Variants in GRIA1 observed in about 807,000 individuals in gnomAD.
GRIA1 encodes glutamate receptor 1.
Under a neutral mutation model 99.2 loss-of-function variants are expected in GRIA1, and 31 were observed. The observed-to-expected ratio is 0.31, with a 90% CI of 0.23 to 0.42. GRIA1 has a LOEUF of 0.42. Ranked by LOEUF, GRIA1 falls within the 10% of genes least tolerant of loss-of-function variation. GRIA1 has a pLI of 1.00. For synonymous variants in GRIA1, 438 were observed against 432.4 expected (o/e 1.01, Z -0.16); for missense variants, 782 against 1,157.5 (o/e 0.68, Z 4.71).
Position 153,526,739 on chromosome 5 carries a change from T to A in GRIA1, c.220+32674T>A, listed in dbSNP as rs141818613. Reference sequence around the variant, plus strand: ...GGAGGCAGATCCTATTTGCCCGGGATCACACTGAAACACAAAGAGGGTGAA... The same window carrying A: ...GGAGGCAGATCCTATTTGCCCGGGAACACACTGAAACACAAAGAGGGTGAA... On this transcript the variant is annotated intron_variant, in intron 2 of 15. Coordinates refer to ENST00000285900, the MANE Select transcript of GRIA1 (RefSeq NM_000827.4). Among the ~76,000 whole-genome samples the A allele has an allele frequency of 4.1e-3, 631 of 152,294 alleles. 5 individuals are homozygous for A. The highest frequency in any genetic ancestry group is 0.015 in the African/African-American group (610 of 41,562).
At chr5:153,524,384 G>C (rs2452801) in intron 2 of GRIA1, among the ~76,000 whole-genome samples, 62,838 of 151,936 alleles carry the variant, frequency 0.41, 13,366 homozygotes, top group African/African-American at 0.5. Context: ...ACAAACTTCC[G>C]AAATGATAGA....
intron 10 of GRIA1, among the ~76,000 whole-genome samples, chr5:153,704,472 A>G (rs1263453381): frequency 6.6e-6 from 1 of 152,236 alleles, no homozygotes; most frequent in Non-Finnish European, 1.5e-5. Context: ...ACAGGAGAAC[A>G]AGGCATGGTT....
At chr5:153,550,154 A>AT (rs148027162) in intron 2 of GRIA1, among the ~76,000 whole-genome samples, 70,479 of 151,120 alleles carry the variant, frequency 0.47, 18,091 homozygotes, top group Non-Finnish European at 0.59. Flanking sequence ...CAGGTGTTTT[A>AT]TTTTTTTTTC....
intron 2 of GRIA1, among the ~76,000 whole-genome samples, chr5:153,519,708 C>G (rs1253304597): frequency 6.6e-6 from 1 of 152,178 alleles, no homozygotes; most frequent in African/African-American, 2.4e-5. Context: ...AAAGGAAAGA[C>G]AGTCCTAGAC....
Position 153,647,153 on chromosome 5 carries a change from A to T in GRIA1, c.446A>T (p.Tyr149Phe). 6.2e-7 allele frequency: 1 copy of T among 1,613,890 alleles called. No homozygotes were observed. The highest frequency in any genetic ancestry group is 8.5e-7 in the Non-Finnish European group (1 of 1,179,848). The change falls in exon 3 of 16, where the codon TAT (tyrosine) becomes TTT (phenylalanine). Residue 149 changes from tyrosine to phenylalanine, a missense_variant. Transcript: ENST00000285900. ...AAGTGGCAGAAATTTGTCTACATTT[A>T]TGATGCCGACCGGGGTAAGCCAAGG... ...HYKWQKFVYI[Y>F]DADRGLSVLQ... is the part of the protein sequence containing the mutation.
chr5:153,635,729 C>T (rs568186603), intron 2 of GRIA1, among the ~76,000 whole-genome samples: 7 of 152,322 alleles, frequency 4.6e-5, no homozygotes, highest in South Asian at 2.1e-4. Flanking sequence ...AGTCCCCACA[C>T]GTGGTAGAGC....
intron 14 of GRIA1, among the ~76,000 whole-genome samples, chr5:153,801,895 G>A (rs763761292): frequency 9.5e-5 from 12 of 125,684 alleles, no homozygotes; most frequent in African/African-American, 2.3e-4. Flanking sequence ...AAAAATGCTC[G>A]GGGACATAAA....
At chr5:153,572,965 G>A (rs1383832832) in intron 2 of GRIA1, among the ~76,000 whole-genome samples, 1 of 152,184 alleles carries the variant, frequency 6.6e-6, no homozygotes, top group Non-Finnish European at 1.5e-5. Flanking sequence ...TTCTTAATGA[G>A]CCTATCCCAG....
intron 2 of GRIA1, among the ~76,000 whole-genome samples, chr5:153,614,916 A>G (rs955911642): frequency 2.0e-5 from 3 of 152,252 alleles, no homozygotes; most frequent in African/African-American, 7.2e-5. Context: ...TACAGAGTCA[A>G]TTGAAGAGGC....
At chr5:153,519,624 C>G (rs947402646) in intron 2 of GRIA1, among the ~76,000 whole-genome samples, 4 of 152,030 alleles carry the variant, frequency 2.6e-5, no homozygotes, top group Non-Finnish European at 5.9e-5. Flanking sequence ...GAGTGCAGCC[C>G]CTGTGAAGAC....
At chr5:153,583,411 C>T (rs1034971152) in intron 2 of GRIA1, among the ~76,000 whole-genome samples, 10 of 152,136 alleles carry the variant, frequency 6.6e-5, no homozygotes, top group African/African-American at 2.4e-4. Flanking sequence ...GAGAATCCTT[C>T]CTTGACTCTT....
chr5:153,800,385 C>T (rs538003078), intron 14 of GRIA1, among the ~76,000 whole-genome samples: 4 of 152,314 alleles, frequency 2.6e-5, no homozygotes, highest in Admixed American at 6.5e-5. Flanking sequence ...AACAGGGAGA[C>T]ATTTTGAGTG....
chr5:153,747,906 T>C (rs1298266108), intron 11 of GRIA1, among the ~76,000 whole-genome samples: 1 of 152,236 alleles, frequency 6.6e-6, no homozygotes, highest in Non-Finnish European at 1.5e-5. Context: ...TGATTTTCTC[T>C]TAAGTATTTC....
In GRIA1 at chr5:153,676,855, G is replaced by C. The variant is rs1716424106; in HGVS notation, c.862-139G>C. The C allele has an allele frequency of 7.7e-6, 4 of 519,100 alleles. No individual in the cohort carries two copies. The African/African-American group carries it at 7.8e-5, about 10-fold the overall frequency. The allele number at this position is 519,100 out of a possible 1,614,324, so 32.2% of individuals were successfully genotyped here. A position where few individuals can be genotyped will look rare whatever the true frequency, so the allele number is the denominator to read the frequency against. Reference sequence around the variant, plus strand: ...GGGACACCATCCCTGATTCACCACTGTCTGCCCCACGTATACCATGCATCT... The same window carrying C: ...GGGACACCATCCCTGATTCACCACTCTCTGCCCCACGTATACCATGCATCT... On this transcript the variant is annotated intron_variant, in intron 6 of 15. Coordinates refer to ENST00000285900, the MANE Select transcript of GRIA1 (RefSeq NM_000827.4).
chr5:153,720,914 C>T (rs1187537305), intron 11 of GRIA1, among the ~76,000 whole-genome samples: 2 of 152,166 alleles, frequency 1.3e-5, no homozygotes, highest in Non-Finnish European at 2.9e-5. Flanking sequence ...GAAGATAAGA[C>T]TAACACACAT....
At chr5:153,705,613 C>A (rs1423109960) in intron 10 of GRIA1, 84 bp from the exon 11 acceptor site, 29 of 1,403,128 alleles carry the variant, frequency 2.1e-5, no homozygotes, top group Non-Finnish European at 2.4e-5. Flanking sequence ...AGAATAGTCA[C>A]AATGAGAAGA....
intron 6 of GRIA1, among the ~76,000 whole-genome samples, chr5:153,675,179 C>T (rs1756482231): frequency 6.6e-6 from 1 of 152,216 alleles, no homozygotes; most frequent in African/African-American, 2.4e-5. Context: ...GCAAGGGAAG[C>T]TGGAAAATGG....
chr5:153,677,174 A>T lies in GRIA1; in HGVS notation c.1029+13A>T. ...AGCTCTGCAGCAGGTAAGACCACCA[A>T]TGTTTGCCCCATCTCATAGGAGCCT... On this transcript the variant is annotated intron_variant, in intron 7 of 15. Transcript: ENST00000285900. 7 of 1,435,180 alleles carry T rather than the reference A, an allele frequency of 4.9e-6. No homozygotes were observed. The highest frequency in any genetic ancestry group is 2.9e-5 in the African/African-American group (2 of 69,552). The allele number at this position is 1,435,180 out of a possible 1,614,324, so 88.9% of individuals were successfully genotyped here. A position where few individuals can be genotyped will look rare whatever the true frequency, so the allele number is the denominator to read the frequency against.
intron 5 of GRIA1, among the ~76,000 whole-genome samples, chr5:153,658,635 A>C (rs1283985918): frequency 2.6e-5 from 4 of 152,146 alleles, no homozygotes; most frequent in Non-Finnish European, 5.9e-5. Flanking sequence ...TAAGACGATA[A>C]TTTTTAGAAT....
Sources: gnomAD v4.1 joint callset for allele counts (sites outside exome capture counted in the v4.1 genomes callset) on GRCh38, gnomAD v4.1.1 for gene constraint, MANE v1.5 for transcripts, NCBI Gene and HGNC (gene_info 2026-07-23, HGNC 2026-07-21) for gene names.